EP400: variants seen among roughly 807,000 people sequenced by gnomAD.
EP400 encodes the protein E1A-binding protein p400.
Under a neutral mutation model 354.1 loss-of-function variants are expected in EP400, and 105 were observed. That is an observed-to-expected ratio of 0.30 (90% CI 0.25 to 0.35). The LOEUF is 0.35. Among genes scored for constraint, EP400 ranks in the 10% least tolerant of loss-of-function variants. The pLI is 1.00. For synonymous variants in EP400, 1,646 were observed against 1,716.9 expected (o/e 0.96, Z 1.02); for missense variants, 3,280 against 4,121.0 (o/e 0.80, Z 5.59).
intron 51 of EP400, among the ~76,000 whole-genome samples, chr12:132,072,971 G>T (rs1417739556): frequency 6.6e-6 from 1 of 152,174 alleles, no homozygotes; most frequent in Non-Finnish European, 1.5e-5. Flanking sequence ...TTTTTGGTCT[G>T]TGTTTTTCCT....
intron 12 of EP400, among the ~76,000 whole-genome samples, chr12:131,996,869 C>G (rs956216963): frequency 6.6e-6 from 1 of 152,090 alleles, no homozygotes; most frequent in African/African-American, 2.4e-5. Flanking sequence ...GACATGAATT[C>G]TTGGTCAGTT....
Position 132,054,166 on chromosome 12 carries a change from G to A in EP400, c.7728+569G>A, listed in dbSNP as rs1285407470. Reference sequence around the variant, plus strand: ...TGCGTCCGTGTGCCACACAGACGCTGAAATCATATGCGCAGAATCACACCT... The same window carrying A: ...TGCGTCCGTGTGCCACACAGACGCTAAAATCATATGCGCAGAATCACACCT... On this transcript the variant is annotated intron_variant, in intron 43 of 52. Coordinates refer to ENST00000389561, the MANE Select transcript of EP400 (RefSeq NM_015409.5). The surrounding 1 kb of genome is among the most constrained non-coding windows in gnomAD (Gnocchi z 4.0). Among the ~76,000 whole-genome samples, 1 of 152,232 alleles carries A rather than the reference G, an allele frequency of 6.6e-6. No individual in the cohort carries two copies. The highest frequency in any genetic ancestry group is 2.4e-5 in the African/African-American group (1 of 41,460).
Position 132,077,761 on chromosome 12 carries a change from G to A in EP400, c.*88G>A, listed in dbSNP as rs115356512. On this transcript the variant is annotated 3_prime_UTR_variant, in exon 53 of 53. Transcript: ENST00000389561. ...TTAGTGAACCTTGGGACCATGTCACGCAAGAGATTCAGCACTGGGAAAGAT... is the reference window on the plus strand; with the variant it reads ...TTAGTGAACCTTGGGACCATGTCACACAAGAGATTCAGCACTGGGAAAGAT... The A allele has an allele frequency of 2.3e-5, 33 of 1,410,732 alleles. No homozygotes were observed. Among genetic ancestry groups the A allele is most frequent in the African/African-American group, 7.2e-5 (5 of 69,158 alleles). 87.4% of individuals were successfully genotyped at this position (1,410,732 alleles called of 1,614,324 possible). A position where few individuals can be genotyped will look rare whatever the true frequency, so the allele number is the denominator to read the frequency against.
In EP400 at chr12:132,079,715, A is replaced by G. The variant is rs1262173792; in HGVS notation, c.*2042A>G. On this transcript the variant is annotated 3_prime_UTR_variant, in exon 53 of 53. Coordinates refer to ENST00000389561, the MANE Select transcript of EP400 (RefSeq NM_015409.5). ...TTTGGAGAGCTTAATGGGATTCTGA[A>G]TATTTGCAATGTGGAGTTTCCGCCC... 6.6e-6 allele frequency: 1 copy of G among 152,256 alleles called. No individual in the cohort carries two copies. The highest frequency in any genetic ancestry group is 2.4e-5 in the African/African-American group (1 of 41,468). The allele number at this position is 152,256 out of a possible 1,614,324, so 9.4% of individuals were successfully genotyped here. A position where few individuals can be genotyped will look rare whatever the true frequency, so the allele number is the denominator to read the frequency against.
In EP400 at chr12:132,073,951, C is replaced by CG. The variant is rs1420580025; in HGVS notation, c.9022-2563dup. The stretch of plus-strand genomic sequence containing the variant: ...TTTTTTTTTTTTTTTTTTTTTGAGA[C>CG]GGAGGCTCACTCTCCCATGCTGGAG... On this transcript the variant is annotated intron_variant, in intron 51 of 52. Transcript: ENST00000389561. Among the ~76,000 whole-genome samples, 5 of 70,492 alleles carry CG rather than the reference C, an allele frequency of 7.1e-5. No individual in the cohort carries two copies. The Admixed American group carries it at 8.5e-4, about 12-fold the overall frequency. The allele number at this position is 70,492 out of a possible 152,430, so 46.2% of individuals were successfully genotyped here.
At chr12:132,000,276 G>A in intron 12 of EP400, among the ~76,000 whole-genome samples, 1 of 152,030 alleles carries the variant, frequency 6.6e-6, no homozygotes, top group South Asian at 2.1e-4. Context: ...ACAATACAGG[G>A]TTTTCAATAT....
chr12:132,064,790 G>C lies in EP400; in HGVS notation c.8457G>C (p.Pro2819=). The C allele has an allele frequency of 6.2e-7, 1 of 1,612,888 alleles. No homozygotes were observed. The highest frequency in any genetic ancestry group is 8.5e-7 in the Non-Finnish European group (1 of 1,179,860). Residue 2819 remains proline (P), a synonymous_variant, in exon 48 of 53, where the codon CCG becomes CCC. Transcript: ENST00000389561. Reference sequence around the variant, plus strand: ...TGCAAGTGCAGACCTCGCAGCCGCCGCAGCAGCAGAGCCCCCAGCTCACGA... The same window carrying C: ...TGCAAGTGCAGACCTCGCAGCCGCCCCAGCAGCAGAGCCCCCAGCTCACGA... ...AQVQVQTSQP[P]QQQSPQLTTV...
At chr12:132,002,665 T>C (rs980640684) in intron 12 of EP400, among the ~76,000 whole-genome samples, 1 of 152,222 alleles carries the variant, frequency 6.6e-6, no homozygotes, top group African/African-American at 2.4e-5. Flanking sequence ...AGAGCAAATA[T>C]CCATGAGGGA....
chr12:132,065,172 C>G, intron 48 of EP400: 1 of 545,566 alleles, frequency 1.8e-6, no homozygotes. Flanking sequence ...CGTGGCTTCC[C>G]TGTGCTGCTG....
chr12:132,001,667 A>G (rs960100546), intron 12 of EP400, among the ~76,000 whole-genome samples: 8 of 152,130 alleles, frequency 5.3e-5, no homozygotes, highest in Admixed American at 3.9e-4. Flanking sequence ...CACTGAGGCT[A>G]CAACAGGCGT....
chr12:132,043,355 G>C lies in EP400; in HGVS notation c.6259G>C (p.Glu2087Gln), dbSNP rs1894978024. Residue 2087 changes from glutamate (E) to glutamine (Q), a missense_variant, in exon 33 of 53, where the codon GAG becomes CAG. Transcript: ENST00000389561. ...GGAGGATGCCCAGAAGTCCGCACAG[G>C]AGGGGGTGCTGGGACCACACACTGA... ...LEEDAQKSAQ[E>Q]GVLGPHTDAL... The C allele has an allele frequency of 3.7e-6, 6 of 1,614,014 alleles. No homozygotes were observed. Among genetic ancestry groups the C allele is most frequent in the Non-Finnish European group, 5.1e-6 (6 of 1,180,042 alleles).
Position 131,960,818 on chromosome 12 carries a change from G to T in EP400, c.199G>T (p.Ala67Ser). 4.3e-6 allele frequency: 7 copies of T among 1,613,496 alleles called. No individual in the cohort carries two copies. Among genetic ancestry groups the T allele is most frequent in the Non-Finnish European group, 5.9e-6 (7 of 1,179,980 alleles). Residue 67 changes from alanine (A) to serine (S), a missense_variant, in exon 2 of 53, where the codon GCA becomes TCA. Ala to Ser is a moderately conservative substitution (Grantham distance 99, BLOSUM62 1). Transcript: ENST00000389561. ...QIQQLMNRSP[A>S]TGQNVNITLQ... ...ACAGCAGCTGATGAATAGGAGCCCT[G>T]CAACCGGGCAGAACGTGAACATCAC...
intron 39 of EP400, among the ~76,000 whole-genome samples, chr12:132,046,743 T>C (rs1895110757): frequency 6.6e-6 from 1 of 152,206 alleles, no homozygotes; most frequent in Non-Finnish European, 1.5e-5. Context: ...GGCAGCTCCT[T>C]CTTGCTGCTT....
In EP400 at chr12:132,005,111, C is replaced by T. The variant is rs756336634; in HGVS notation, c.2862C>T (p.Tyr954=). 14 of 1,589,526 alleles carry T rather than the reference C, an allele frequency of 8.8e-6. No individual in the cohort carries two copies. Among genetic ancestry groups the T allele is most frequent in the South Asian group, 2.3e-5 (2 of 86,778 alleles). Residue 954 remains tyrosine, a synonymous_variant, in exon 13 of 53, where the codon TAC becomes TAT. Transcript: ENST00000389561. ...CCCTCCTGGACCTGATGAAGCTGTACGAAGGCGCCTTCCTGCCGAGTTCTC... is the reference window on the plus strand; with the variant it reads ...CCCTCCTGGACCTGATGAAGCTGTATGAAGGCGCCTTCCTGCCGAGTTCTC... ...ELPLLDLMKL[Y]EGAFLPSSQW... is the part of the protein sequence containing the mutation.
rs865993349 is a variant in EP400 at position 132,045,071 on chromosome 12, C to T, written c.6784+118C>T. On this transcript the variant is annotated intron_variant, in intron 37 of 52. Coordinates refer to ENST00000389561, the MANE Select transcript of EP400 (RefSeq NM_015409.5). ...GTCTGCCTGTCTGCTGCAGGGCTAG[C>T]GATCACACGCCCATCCGCTGCCTCT... 9.8e-5 allele frequency: 142 copies of T among 1,444,564 alleles called. No homozygotes were observed. The Middle Eastern group carries it at 1.1e-3, about 11-fold the overall frequency. 89.5% of individuals were successfully genotyped at this position (1,444,564 alleles called of 1,614,324 possible).
intron 39 of EP400, among the ~76,000 whole-genome samples, chr12:132,048,041 A>G (rs773651889): frequency 2.6e-5 from 4 of 152,238 alleles, no homozygotes; most frequent in Admixed American, 6.5e-5. Context: ...GTTTAAGGTT[A>G]TCTCTCTTGT....
chr12:131,968,645 C>T (rs1237611516), intron 2 of EP400, among the ~76,000 whole-genome samples: 1 of 152,130 alleles, frequency 6.6e-6, no homozygotes, highest in Non-Finnish European at 1.5e-5. Flanking sequence ...GTGTTGCGTC[C>T]ATTGACCTGT....
chr12:131,956,087 G>A (rs1445063723), intron 1 of EP400, among the ~76,000 whole-genome samples: 1 of 152,144 alleles, frequency 6.6e-6, no homozygotes, highest in Non-Finnish European at 1.5e-5. Context: ...GTCAGGTTCT[G>A]TTCTAGTCTC....
chr12:131,979,838 C>T, intron 3 of EP400, 45 bp downstream of exon 3: 1 of 1,503,882 alleles, frequency 6.6e-7, no homozygotes, highest in Non-Finnish European at 9.0e-7. Flanking sequence ...CCCCCCTCTC[C>T]TTGGGCTGCC....
Sources: gnomAD v4.1 joint callset for allele counts (sites outside exome capture counted in the v4.1 genomes callset) on GRCh38, gnomAD v4.1.1 for gene constraint, Gnocchi (gnomAD v3.1) non-coding constraint, MANE v1.5 for transcripts, NCBI Gene and HGNC (gene_info 2026-07-23, HGNC 2026-07-21) for gene names.